PCDHGA1: variants seen among roughly 807,000 people sequenced by gnomAD.
PCDHGA1 encodes the protein protocadherin gamma subfamily A, 1, also known as protocadherin gamma-A1.
In PCDHGA1, 32 loss-of-function variants were observed where a neutral mutation model predicts 58.0. The observed-to-expected ratio is 0.55, with a 90% CI of 0.42 to 0.74. The LOEUF (loss-of-function observed/expected upper bound fraction) is 0.74. PCDHGA1 is among the 30% of genes least tolerant of loss of function. The probability of loss-of-function intolerance (pLI) is 0.00; values close to 1 mark genes in which losing one functional copy is unlikely to be tolerated. For missense variants in PCDHGA1, 1,205 were observed against 1,182.3 expected (o/e 1.02, Z -0.28); for synonymous variants, 498 against 501.1 (o/e 0.99, Z 0.08).
In PCDHGA1 at chr5:141,330,760, G is replaced by A. The variant is rs1327574523; in HGVS notation, c.76G>A (p.Ala26Thr). 1.2e-6 allele frequency: 2 copies of A among 1,614,208 alleles called. No homozygotes were observed. Among genetic ancestry groups the A allele is most frequent in the East Asian group, 2.2e-5 (1 of 44,882 alleles). The change falls in exon 1 of 4, where the codon GCT (alanine) becomes ACT (threonine). Residue 26 changes from alanine to threonine, a missense_variant. Transcript: ENST00000517417. ...LCLSLELLLE[A>T]GAGNIHYSVP... ...TCTTTCTCTGGAGCTGCTGTTGGAAGCTGGGGCTGGGAATATTCACTACTC... is the reference window on the plus strand; with the variant it reads ...TCTTTCTCTGGAGCTGCTGTTGGAAACTGGGGCTGGGAATATTCACTACTC...
chr5:141,474,516 T>G (rs999585038), intron 1 of PCDHGA1, among the ~76,000 whole-genome samples: 1 of 152,240 alleles, frequency 6.6e-6, no homozygotes, highest in Non-Finnish European at 1.5e-5. Context: ...GCCCTCTTGC[T>G]GGTCTGGCTA....
chr5:141,452,678 C>T (rs1311364057), intron 1 of PCDHGA1, among the ~76,000 whole-genome samples: 1 of 150,100 alleles, frequency 6.7e-6, no homozygotes, highest in African/African-American at 2.5e-5. Flanking sequence ...GCCTAGGCCA[C>T]AGAATGAAAC....
chr5:141,504,010 C>G (rs980812107), intron 2 of PCDHGA1, among the ~76,000 whole-genome samples: 9 of 152,204 alleles, frequency 5.9e-5, no homozygotes, highest in African/African-American at 1.2e-4. Context: ...TTAACTGTCT[C>G]TGCTGGTCTC....
intron 1 of PCDHGA1, chr5:141,352,324 G>A (rs774613616): frequency 5.0e-6 from 8 of 1,613,962 alleles, no homozygotes; most frequent in Middle Eastern, 1.6e-4. Flanking sequence ...AGTTTTACCT[G>A]GTTGTGGCCT....
At chr5:141,361,947 G>T in intron 1 of PCDHGA1, 1 of 1,604,064 alleles carries the variant, frequency 6.2e-7, no homozygotes, top group South Asian at 1.1e-5. Flanking sequence ...ACGCTTGGCT[G>T]TCCTACCACG....
intron 1 of PCDHGA1, among the ~76,000 whole-genome samples, chr5:141,451,387 T>C (rs1039738460): frequency 6.6e-6 from 1 of 152,116 alleles, no homozygotes; most frequent in African/African-American, 2.4e-5. Flanking sequence ...TCTCACATAG[T>C]TAATGGCAAA....
intron 1 of PCDHGA1, among the ~76,000 whole-genome samples, chr5:141,435,619 T>A (rs2097772280): frequency 6.6e-6 from 1 of 152,190 alleles, no homozygotes; most frequent in Non-Finnish European, 1.5e-5. Context: ...AAATTCCCCA[T>A]AACTTTTACA....
At chr5:141,352,622 A>T in intron 1 of PCDHGA1, 1 of 1,612,530 alleles carries the variant, frequency 6.2e-7, no homozygotes. Flanking sequence ...TGTATGTGCC[A>T]GTAATGAAGA....
intron 1 of PCDHGA1, among the ~76,000 whole-genome samples, chr5:141,474,082 CA>C (rs1449032579): frequency 1.3e-5 from 2 of 151,946 alleles, no homozygotes; most frequent in Non-Finnish European, 2.9e-5. Flanking sequence ...AAACAAAAAC[CA>C]AAAAACAAAC....
chr5:141,470,869 T>C (rs1215083835), intron 1 of PCDHGA1, among the ~76,000 whole-genome samples: 1 of 151,910 alleles, frequency 6.6e-6, no homozygotes, highest in African/African-American at 2.4e-5. Context: ...TTTGTTTGTT[T>C]GTTTTTTTGT....
chr5:141,340,498 C>T (rs779782907), intron 1 of PCDHGA1: 11 of 1,614,196 alleles, frequency 6.8e-6, no homozygotes, highest in African/African-American at 1.3e-5. Flanking sequence ...CTATCAACTC[C>T]GACACTGGAG....
At chr5:141,456,020 C>A (rs2098840631) in intron 1 of PCDHGA1, among the ~76,000 whole-genome samples, 2 of 151,952 alleles carry the variant, frequency 1.3e-5, no homozygotes, top group South Asian at 4.2e-4. Flanking sequence ...GCCTCAGCCT[C>A]CCGAGTAGCT....
intron 1 of PCDHGA1, chr5:141,442,449 T>TA (rs1488731055): frequency 6.6e-6 from 1 of 152,210 alleles, no homozygotes; most frequent in African/African-American, 2.4e-5. Context: ...CAGGACTCAA[T>TA]AGCAGTTTCA....
intron 1 of PCDHGA1, chr5:141,415,367 CT>C (rs2095859649): frequency 6.2e-7 from 1 of 1,614,118 alleles, no homozygotes; most frequent in African/African-American, 1.3e-5. Flanking sequence ...CTGCTGCAGG[CT>C]TCAGGAGGCG....
Position 141,392,253 on chromosome 5 carries a change from T to C in PCDHGA1, c.2421+59148T>C, listed in dbSNP as rs1051019631. ...GTTCTTAGTTATTTGTTAGTATATATTGGAGACATTTACAATAAAGCTTAG... is the reference window on the plus strand; with the variant it reads ...GTTCTTAGTTATTTGTTAGTATATACTGGAGACATTTACAATAAAGCTTAG... On this transcript the variant is annotated intron_variant, in intron 1 of 3. Transcript: ENST00000517417. 3.9e-5 allele frequency: 6 copies of C among 152,218 alleles called. No individual in the cohort carries two copies. The South Asian group carries it at 6.2e-4, about 16-fold the overall frequency. The allele number at this position is 152,218 out of a possible 1,614,324, so 9.4% of individuals were successfully genotyped here. A position where few individuals can be genotyped will look rare whatever the true frequency, so the allele number is the denominator to read the frequency against.
intron 1 of PCDHGA1, among the ~76,000 whole-genome samples, chr5:141,471,998 A>T (rs938492822): frequency 5.3e-5 from 8 of 152,276 alleles, no homozygotes; most frequent in South Asian, 2.1e-4. Context: ...AAATCCCTGC[A>T]TCGTATAGGG....
chr5:141,367,536 C>CT (rs1376897976), intron 1 of PCDHGA1: 1 of 106,510 alleles, frequency 9.4e-6, no homozygotes, highest in African/African-American at 4.5e-5. Context: ...GACTCCGTCT[C>CT]AAAATAAATA....
At chr5:141,375,743 G>T (rs1306571091) in intron 1 of PCDHGA1, 1 of 1,614,120 alleles carries the variant, frequency 6.2e-7, no homozygotes, top group African/African-American at 1.3e-5. Flanking sequence ...GTTTGTGCTG[G>T]ACCAGAATGA....
At position 141,491,267 on chromosome 5, in the gene PCDHGA1, A is replaced by C. The variant is rs1376540913; in HGVS notation, c.2422-3540A>C. ...GATGAGGACCCTGAGGAAATGCCCA[A>C]ATCCAGTGACTTCCTCATACACCCT... On this transcript the variant is annotated intron_variant, in intron 1 of 3. Coordinates refer to ENST00000517417, the MANE Select transcript of PCDHGA1 (RefSeq NM_018912.3). This position sits in a 1 kb window ranked among gnomAD's most constrained non-coding sequence, Gnocchi z 6.9. The C allele has an allele frequency of 2.5e-6, 4 of 1,613,944 alleles. No individual in the cohort carries two copies. The highest frequency in any genetic ancestry group is 3.4e-6 in the Non-Finnish European group (4 of 1,179,936).
Sources: allele counts gnomAD v4.1 joint callset (sites outside exome capture counted in the v4.1 genomes callset), GRCh38; gene constraint gnomAD v4.1.1; non-coding constraint Gnocchi (gnomAD v3.1); transcripts MANE v1.5; gene names NCBI Gene and HGNC (gene_info 2026-07-23, HGNC 2026-07-21).